The following UTY variants were observed in gnomAD, a reference collection of about 807,000 sequenced individuals.
UTY encodes ubiquitously transcribed tetratricopeptide repeat containing, Y-linked, also known as histone demethylase UTY.
In UTY, 12 loss-of-function variants were observed where a neutral mutation model predicts 32.5. That is an observed-to-expected ratio of 0.37 (90% CI 0.24 to 0.60). The LOEUF (loss-of-function observed/expected upper bound fraction) is 0.60. UTY is among the 20% of genes least tolerant of loss of function. The pLI is 0.69. For missense variants in UTY, 303 were observed against 299.2 expected, an observed-to-expected ratio of 1.01 and a Z score of -0.09; for synonymous variants, 131 against 103.4, an observed-to-expected ratio of 1.27 and a Z score of -1.62.
Position 13,325,523 on chromosome Y carries a change from C to T in UTY, c.2964+698G>A, listed in dbSNP as rs1039713076. On this transcript the variant is annotated intron_variant, in intron 19 of 29. Coordinates refer to ENST00000545955, the MANE Select transcript of UTY (RefSeq NM_001258249.2). The stretch of plus-strand genomic sequence containing the variant: ...CCACAGCAGCTTTATCAAATGCTTA[C>T]GTTGCTAAATAGTAAAAAAAGCCAC... Among the ~76,000 whole-genome samples the T allele has an allele frequency of 2.7e-4, 9 of 33,627 alleles. No individual in the cohort carries two copies. In the South Asian group the frequency reaches 5.8e-3, roughly 22 times the overall value. 90.2% of individuals were successfully genotyped at this position (33,627 alleles called of 37,273 possible). A position where few individuals can be genotyped will look rare whatever the true frequency, so the allele number is the denominator to read the frequency against.
chrY:13,265,171 G>A, intron 27 of UTY, among the ~76,000 whole-genome samples: 1 of 33,735 alleles, frequency 3.0e-5, no homozygotes, highest in Non-Finnish European at 7.4e-5. Flanking sequence ...AAGTCAGGTA[G>A]TGTGATGTTT....
intron 5 of UTY, among the ~76,000 whole-genome samples, chrY:13,411,667 T>C: frequency 9.2e-5 from 3 of 32,440 alleles, no homozygotes; most frequent in Admixed American, 8.5e-4. Context: ...TTTTTTTCAT[T>C]TTTTGTACAG....
intron 18 of UTY, among the ~76,000 whole-genome samples, chrY:13,328,188 T>C (rs763860179): frequency 8.1e-4 from 27 of 33,304 alleles, no homozygotes; most frequent in Middle Eastern, 0.014. Flanking sequence ...GACAGTGCCA[T>C]TGCACTCCAG....
intron 8 of UTY, among the ~76,000 whole-genome samples, chrY:13,379,897 G>GGT (rs59144905): frequency 5.6e-3 from 94 of 16,823 alleles, no homozygotes; most frequent in Middle Eastern, 0.023. Flanking sequence ...AACATTAAGG[G>GGT]GTGTGTGTGT....
intron 2 of UTY, among the ~76,000 whole-genome samples, chrY:13,471,947 C>T: frequency 6.0e-5 from 2 of 33,440 alleles, no homozygotes; most frequent in Non-Finnish European, 1.5e-4. Flanking sequence ...GTACCCTCCA[C>T]TCTATGCAAA....
downstream of UTY, among the ~76,000 whole-genome samples, chrY:13,245,424 C>G (rs1052987498): frequency 6.2e-4 from 21 of 34,061 alleles, no homozygotes; most frequent in Admixed American, 1.3e-3. Context: ...ACTTGCATTT[C>G]TAAATTTGAG....
chrY:13,449,361 T>C (rs2076138964), intron 3 of UTY, among the ~76,000 whole-genome samples: 1 of 33,090 alleles, frequency 3.0e-5, no homozygotes, highest in East Asian at 7.7e-4. Context: ...CCTACTATGA[T>C]AAAGTTTTCT....
chrY:13,349,482 T>C, intron 17 of UTY, among the ~76,000 whole-genome samples: 1 of 32,489 alleles, frequency 3.1e-5, no homozygotes, highest in African/African-American at 1.2e-4. Context: ...ACTTGCAAAA[T>C]ATGAGGGAAT....
intron 4 of UTY, among the ~76,000 whole-genome samples, chrY:13,415,116 T>G: frequency 6.1e-5 from 2 of 32,681 alleles, no homozygotes; most frequent in Admixed American, 2.8e-4. Flanking sequence ...CTCTGGGTTT[T>G]AAGTACTTGC....
At chrY:13,344,341 G>A in intron 17 of UTY, among the ~76,000 whole-genome samples, 1 of 34,223 alleles carries the variant, frequency 2.9e-5, no homozygotes, top group Non-Finnish European at 7.3e-5. Context: ...TATGTTCTGC[G>A]CCTAACTGCC....
chrY:13,307,140 A>ACCCTG (rs2058741755), intron 21 of UTY, among the ~76,000 whole-genome samples: 2 of 32,718 alleles, frequency 6.1e-5, no homozygotes. Context: ...ATATTTAGTT[A>ACCCTG]CCCTGGCTTT....
intron 8 of UTY, among the ~76,000 whole-genome samples, chrY:13,389,230 TG>T (rs2067250327): frequency 3.0e-5 from 1 of 33,107 alleles, no homozygotes; most frequent in African/African-American, 1.2e-4. Context: ...TGGAGATATT[TG>T]GGGTATTAAC....
chrY:13,241,857 G>A, intron 28 of UTY, among the ~76,000 whole-genome samples: 2 of 32,717 alleles, frequency 6.1e-5, no homozygotes, highest in African/African-American at 2.4e-4. Context: ...GAGGCAGGTG[G>A]ATCATGAGGT....
In UTY at chrY:13,355,199, C is replaced by T; in HGVS notation, c.1865G>A (p.Cys622Tyr). 1 of 396,470 alleles carries T rather than the reference C, an allele frequency of 2.5e-6. No homozygotes were observed. The highest frequency in any genetic ancestry group is 3.5e-6 in the Non-Finnish European group (1 of 282,134). ...LLSSGAFSAG[C>Y]IPCGTSKILG... is the part of the protein sequence containing the mutation. ...AATTTTTGATGTGCCACAAGGAATACAGCCTGCAGAAAAAGCTCCACTGGA... is the reference window on the plus strand; with the variant it reads ...AATTTTTGATGTGCCACAAGGAATATAGCCTGCAGAAAAAGCTCCACTGGA... Residue 622 changes from cysteine (C) to tyrosine (Y), a missense_variant, in exon 17 of 30, where the codon TGT becomes TAT. Physicochemically the swap from Cys to Tyr is radical, Grantham distance 194 (BLOSUM62 -2). Coordinates refer to ENST00000545955, the MANE Select transcript of UTY (RefSeq NM_001258249.2).
intron 21 of UTY, among the ~76,000 whole-genome samples, chrY:13,307,193 C>T (rs759107998): frequency 1.5e-4 from 5 of 32,813 alleles, no homozygotes; most frequent in African/African-American, 4.7e-4. Flanking sequence ...GGCATATGGA[C>T]GAAGTTCTTC....
At chrY:13,431,636 T>C (rs2074031456) in intron 4 of UTY, among the ~76,000 whole-genome samples, 1 of 32,926 alleles carries the variant, frequency 3.0e-5, no homozygotes, top group Non-Finnish European at 7.5e-5. Flanking sequence ...ATAAATGTGA[T>C]TGACGCATCA....
intron 3 of UTY, among the ~76,000 whole-genome samples, chrY:13,456,857 C>G: frequency 6.1e-5 from 2 of 32,898 alleles, no homozygotes; most frequent in Non-Finnish European, 1.5e-4. Context: ...ATTATATGTG[C>G]AAACCTATTT....
At chrY:13,319,565 T>G in intron 21 of UTY, among the ~76,000 whole-genome samples, 1 of 33,086 alleles carries the variant, frequency 3.0e-5, no homozygotes, top group Non-Finnish European at 7.5e-5. Context: ...GCAAAAGAGG[T>G]ATGTGAGATT....
rs889890970 is a variant in UTY at position 13,439,811 on chromosome Y, T to A, written c.375+9206A>T. On this transcript the variant is annotated intron_variant, in intron 4 of 29. Coordinates refer to ENST00000545955, the MANE Select transcript of UTY (RefSeq NM_001258249.2). ...CTTTAGGTACAGCCGTGAGAGAAGT[T>A]GCAAAGCTGGGTGCAAGAAGACTGC... Among the ~76,000 whole-genome samples, 6 of 33,100 alleles carry A rather than the reference T, an allele frequency of 1.8e-4. No homozygotes were observed. In the East Asian group the frequency reaches 3.9e-3, roughly 22 times the overall value. 88.8% of individuals were successfully genotyped at this position (33,100 alleles called of 37,273 possible).
Sources: gnomAD v4.1 joint callset for allele counts (sites outside exome capture counted in the v4.1 genomes callset) on GRCh38, gnomAD v4.1.1 for gene constraint, MANE v1.5 for transcripts, NCBI Gene and HGNC (gene_info 2026-07-23, HGNC 2026-07-21) for gene names.